CCDC178: variants seen among roughly 807,000 people sequenced by gnomAD.
CCDC178 encodes the protein coiled-coil domain containing 178.
A neutral mutation model predicts 117.4 loss-of-function variants in CCDC178; 126 were observed. The ratio of observed to expected loss-of-function variants is 1.07; its 90% confidence interval spans 0.93 to 1.24. The LOEUF is 1.24. CCDC178 is among the 50% of genes most tolerant of loss of function. The pLI is 0.00. For synonymous variants in CCDC178, 283 were observed against 313.4 expected (o/e 0.90, Z 1.02); for missense variants, 1,030 against 986.9 (o/e 1.04, Z -0.59).
intron 20 of CCDC178, among the ~76,000 whole-genome samples, chr18:33,164,472 A>T (rs1169139517): frequency 6.6e-6 from 1 of 152,120 alleles, no homozygotes; most frequent in Non-Finnish European, 1.5e-5. Flanking sequence ...TTGATTGTAT[A>T]GGTTGTATCT....
At chr18:33,336,247 T>C (rs1288176252) in intron 9 of CCDC178, among the ~76,000 whole-genome samples, 1 of 152,144 alleles carries the variant, frequency 6.6e-6, no homozygotes, top group African/African-American at 2.4e-5. Flanking sequence ...CTTTGGATTC[T>C]CATTTTTATG....
intron 6 of CCDC178, among the ~76,000 whole-genome samples, chr18:33,356,835 G>T (rs532357785): frequency 6.6e-6 from 1 of 152,080 alleles, no homozygotes; most frequent in South Asian, 2.1e-4. Context: ...AAACAGTCCT[G>T]CAAAACCGTC....
chr18:33,174,041 G>T (rs966866665), intron 20 of CCDC178, among the ~76,000 whole-genome samples: 4 of 152,156 alleles, frequency 2.6e-5, no homozygotes. Flanking sequence ...GATGTAATTG[G>T]CTCACGGTTC....
intron 20 of CCDC178, among the ~76,000 whole-genome samples, chr18:33,201,293 C>G (rs2058987232): frequency 6.6e-6 from 1 of 152,182 alleles, no homozygotes; most frequent in South Asian, 2.1e-4. Context: ...CATTTACATT[C>G]CTTGATTACT....
chr18:33,438,420 C>A (rs2064322445), intron 2 of CCDC178, among the ~76,000 whole-genome samples: 1 of 152,046 alleles, frequency 6.6e-6, no homozygotes, highest in Non-Finnish European at 1.5e-5. Context: ...GAATAAATAG[C>A]CTTGGCTTGT....
At chr18:33,075,659 T>C (rs896670845) in intron 21 of CCDC178, among the ~76,000 whole-genome samples, 1 of 152,152 alleles carries the variant, frequency 6.6e-6, no homozygotes, top group Non-Finnish European at 1.5e-5. Context: ...TTGCCTTAAT[T>C]TTTCCTTTAA....
intron 16 of CCDC178, among the ~76,000 whole-genome samples, chr18:33,225,356 T>C (rs1339736229): frequency 6.6e-6 from 1 of 151,938 alleles, no homozygotes; most frequent in African/African-American, 2.4e-5. Context: ...TAAGGGGTTT[T>C]GCCATGTTGG....
At chr18:33,235,688 C>T (rs2059418347) in intron 15 of CCDC178, among the ~76,000 whole-genome samples, 5 of 152,054 alleles carry the variant, frequency 3.3e-5, no homozygotes, top group African/African-American at 1.2e-4. Flanking sequence ...AAAAACCCTT[C>T]GAGATTATGC....
intron 3 of CCDC178, among the ~76,000 whole-genome samples, chr18:33,406,459 T>C (rs1334450164): frequency 6.6e-6 from 1 of 151,992 alleles, no homozygotes; most frequent in African/African-American, 2.4e-5. Context: ...AATAATAGTA[T>C]TACAGCTCAT....
At chr18:33,284,594 T>C (rs1201531986) in intron 12 of CCDC178, among the ~76,000 whole-genome samples, 1 of 152,190 alleles carries the variant, frequency 6.6e-6, no homozygotes, top group East Asian at 1.9e-4. Context: ...GTTATCATAG[T>C]TCAATATCTT....
At position 33,224,922 on chromosome 18, in the gene CCDC178, G is replaced by A; in HGVS notation, c.1671C>T (p.Ser557=). 1 of 1,482,830 alleles carries A rather than the reference G, an allele frequency of 6.7e-7. No individual in the cohort carries two copies. The highest frequency in any genetic ancestry group is 1.5e-5 in the South Asian group (1 of 68,190). The allele number at this position is 1,482,830 out of a possible 1,614,324, so 91.9% of individuals were successfully genotyped here. ...GCTCAAGTGCCTGGACTTCGTAAAT[G>A]GAATATAGTTTTTTCTGCCAGCAAA... is the stretch of plus-strand genomic sequence containing the variant. ...AGMVLQKKLY[S]IYEVQALERK... Residue 557 remains serine (S), a synonymous_variant, in exon 17 of 23, where the codon TCC becomes TCT. Transcript: ENST00000383096.
chr18:33,360,865 AAT>A (rs1487196368), intron 6 of CCDC178, among the ~76,000 whole-genome samples: 3 of 151,686 alleles, frequency 2.0e-5, no homozygotes, highest in Non-Finnish European at 4.4e-5. Flanking sequence ...TAAATGAATA[AAT>A]ATGTGTTTAC....
In CCDC178 at chr18:32,941,397, C is replaced by T. The variant is rs140870555; in HGVS notation, c.2524-3306G>A. On this transcript the variant is annotated intron_variant, in intron 22 of 22. Coordinates refer to ENST00000383096, the MANE Select transcript of CCDC178 (RefSeq NM_001105528.4). The stretch of plus-strand genomic sequence containing the variant: ...ACAGGAGATTTCTGCTATAGGAAAA[C>T]GATAAAAGTAGGGAACAATTGAACA... Among the ~76,000 whole-genome samples, 242 of 152,000 alleles carry T rather than the reference C, an allele frequency of 1.6e-3. 2 individuals carry two copies. Among genetic ancestry groups the T allele is most frequent in the African/African-American group, 5.3e-3 (220 of 41,446 alleles).
At chr18:33,154,119 A>T (rs892322276) in intron 20 of CCDC178, among the ~76,000 whole-genome samples, 1 of 152,170 alleles carries the variant, frequency 6.6e-6, no homozygotes. Flanking sequence ...TGTAGATTGA[A>T]ATTATAATCT....
At chr18:33,187,100 AGAGAG>A (rs2058804311) in intron 20 of CCDC178, among the ~76,000 whole-genome samples, 1 of 151,272 alleles carries the variant, frequency 6.6e-6, no homozygotes, top group Non-Finnish European at 1.5e-5. Context: ...AGAGAGAGAG[AGAGAG>A]AGAGAGAGAG....
At position 32,958,186 on chromosome 18, in the gene CCDC178, A is replaced by G. The variant is rs918625181; in HGVS notation, c.2523+16361T>C. 1.0e-5 allele frequency: 6 copies of G among 585,492 alleles called. No individual in the cohort carries two copies. In the Admixed American group the frequency reaches 1.7e-4, roughly 16 times the overall value. The allele number at this position is 585,492 out of a possible 1,614,324, so 36.3% of individuals were successfully genotyped here. On this transcript the variant is annotated intron_variant, in intron 22 of 22. Transcript: ENST00000383096. ...GGTTCATAATTATTTTTGTACTTTA[A>G]AAGCAATTTTATTCTTTTTCCAAAT...
intron 8 of CCDC178, among the ~76,000 whole-genome samples, chr18:33,347,757 G>A (rs1381178247): frequency 2.6e-5 from 4 of 151,988 alleles, no homozygotes; most frequent in Non-Finnish European, 4.4e-5. Flanking sequence ...TGTTCATTAT[G>A]TTTCTAGGAG....
intron 12 of CCDC178, among the ~76,000 whole-genome samples, chr18:33,280,388 C>A (rs2060007728): frequency 6.6e-6 from 1 of 151,320 alleles, no homozygotes; most frequent in South Asian, 2.1e-4. Context: ...AAATGCAAAT[C>A]AAAACCACTA....
intron 21 of CCDC178, among the ~76,000 whole-genome samples, chr18:33,033,652 A>G (rs2056388785): frequency 6.6e-6 from 1 of 152,044 alleles, no homozygotes; most frequent in Admixed American, 6.6e-5. Context: ...CTAGCAGTCA[A>G]CCCGACTTTC....
Sources: gnomAD v4.1 joint callset for allele counts (sites outside exome capture counted in the v4.1 genomes callset) on GRCh38, gnomAD v4.1.1 for gene constraint, MANE v1.5 for transcripts, NCBI Gene and HGNC (gene_info 2026-07-23, HGNC 2026-07-21) for gene names.